The following CACNA1D variants were observed in gnomAD, a reference collection of about 807,000 sequenced individuals.
The protein encoded by CACNA1D is voltage-dependent L-type calcium channel subunit alpha-1D.
In CACNA1D, 55 loss-of-function variants were observed where a neutral mutation model predicts 257.1. That is an observed-to-expected ratio of 0.21 (90% CI 0.17 to 0.27). The LOEUF is 0.27. Among genes scored for constraint, CACNA1D ranks in the 10% least tolerant of loss-of-function variants. The pLI is 1.00. For synonymous variants in CACNA1D, 980 were observed against 1,014.9 expected (o/e 0.97, Z 0.65); for missense variants, 1,876 against 2,784.0 (o/e 0.67, Z 7.34).
chr3:53,746,068 A>G (rs991934676), intron 25 of CACNA1D, among the ~76,000 whole-genome samples, 193 bp downstream of exon 25: 16 of 152,084 alleles, frequency 1.1e-4, no homozygotes, highest in Non-Finnish European at 1.9e-4. Flanking sequence ...TTCAGTATAC[A>G]GTTCCTTAGC....
intron 3 of CACNA1D, among the ~76,000 whole-genome samples, chr3:53,580,424 C>A (rs1364790542): frequency 6.6e-6 from 1 of 152,212 alleles, no homozygotes; most frequent in Non-Finnish European, 1.5e-5. Flanking sequence ...AAGTGCCTGG[C>A]AGATGCTTGG....
chr3:53,682,365 T>TTA (rs1405672508), intron 8 of CACNA1D, among the ~76,000 whole-genome samples: 2 of 47,366 alleles, frequency 4.2e-5, no homozygotes, highest in East Asian at 6.3e-4. Flanking sequence ...TTGTCTCTGG[T>TTA]AAAAAAAAAA....
intron 39 of CACNA1D, among the ~76,000 whole-genome samples, chr3:53,785,056 A>T (rs981306142): frequency 5.3e-5 from 8 of 152,130 alleles, no homozygotes; most frequent in African/African-American, 1.9e-4. Context: ...AATTCTTCTG[A>T]CACAGGGCTT....
intron 9 of CACNA1D, among the ~76,000 whole-genome samples, chr3:53,705,999 C>G (rs1006395724): frequency 6.6e-6 from 1 of 152,206 alleles, no homozygotes; most frequent in Non-Finnish European, 1.5e-5. Flanking sequence ...GATTAGCAGG[C>G]AGTAGAAATG....
chr3:53,637,256 A>C (rs2108168139), intron 3 of CACNA1D, among the ~76,000 whole-genome samples: 1 of 152,298 alleles, frequency 6.6e-6, no homozygotes, highest in South Asian at 2.1e-4. Context: ...ATCTTTTCAG[A>C]TTCCAGGGGC....
At chr3:53,692,339 A>G (rs1377970988) in intron 8 of CACNA1D, among the ~76,000 whole-genome samples, 1 of 152,182 alleles carries the variant, frequency 6.6e-6, no homozygotes, top group Admixed American at 6.5e-5. Flanking sequence ...GTCTTGAGCC[A>G]GCCGAGTGGG....
intron 3 of CACNA1D, among the ~76,000 whole-genome samples, chr3:53,567,142 C>T (rs1343242638): frequency 1.3e-5 from 2 of 152,180 alleles, no homozygotes; most frequent in African/African-American, 4.8e-5. Context: ...ATATTCACTG[C>T]AGGATCTCCC....
intron 30 of CACNA1D, among the ~76,000 whole-genome samples, chr3:53,764,518 G>T (rs1013730491): frequency 1.3e-5 from 2 of 152,238 alleles, no homozygotes; most frequent in Non-Finnish European, 2.9e-5. Context: ...CGGGCACCAG[G>T]ATGTGGCCAA....
chr3:53,703,935 G>A (rs750027507), intron 9 of CACNA1D, among the ~76,000 whole-genome samples: 1 of 152,196 alleles, frequency 6.6e-6, no homozygotes, highest in Admixed American at 6.5e-5. Context: ...GCTGGAGGGA[G>A]CATTTGGCCT....
intron 37 of CACNA1D, among the ~76,000 whole-genome samples, 177 bp from the exon 38 acceptor site, chr3:53,779,849 C>T (rs142037068): frequency 6.4e-4 from 97 of 152,210 alleles, no homozygotes; most frequent in African/African-American, 2.3e-3. Context: ...CATCTCGTGG[C>T]CCAGTCAACT....
At chr3:53,733,242 A>G (rs923422272) in intron 19 of CACNA1D, among the ~76,000 whole-genome samples, 1 of 152,158 alleles carries the variant, frequency 6.6e-6, no homozygotes, top group Non-Finnish European at 1.5e-5. Flanking sequence ...TCACCCCTGC[A>G]TGGGGACAGC....
chr3:53,801,456 A>C (rs1175111248), intron 42 of CACNA1D, 31 bp downstream of exon 42: 7 of 1,611,824 alleles, frequency 4.3e-6, no homozygotes, highest in African/African-American at 1.3e-5. Flanking sequence ...GGACTTGCTC[A>C]TGTGGTGTCT....
At chr3:53,711,233 G>A (rs2094751584) in intron 9 of CACNA1D, among the ~76,000 whole-genome samples, 2 of 152,184 alleles carry the variant, frequency 1.3e-5, no homozygotes, top group African/African-American at 4.8e-5. Flanking sequence ...GTAACAGAGT[G>A]CGATCTCTGT....
At position 53,495,801 on chromosome 3, in the gene CACNA1D, C is replaced by A. The variant is rs374891959; in HGVS notation, c.67+568C>A. 2.2e-4 allele frequency among the ~76,000 whole-genome samples: 33 copies of A among 152,246 alleles called. No individual in the cohort carries two copies. Among genetic ancestry groups the A allele is most frequent in the African/African-American group, 7.7e-4 (32 of 41,472 alleles). On this transcript the variant is annotated intron_variant, in intron 1 of 47. Coordinates refer to ENST00000350061, the MANE Select transcript of CACNA1D (RefSeq NM_001128840.3). The surrounding 1 kb of genome is among the most constrained non-coding windows in gnomAD (Gnocchi z 5.1). ...GGAGCGTGCGTTCCCGCTCCCGTCGCCGGCTGTGCACACGTCGGTAACCTA... is the reference window on the plus strand; with the variant it reads ...GGAGCGTGCGTTCCCGCTCCCGTCGACGGCTGTGCACACGTCGGTAACCTA...
chr3:53,760,800 G>A (rs563240807), intron 29 of CACNA1D, among the ~76,000 whole-genome samples: 1 of 152,354 alleles, frequency 6.6e-6, no homozygotes, highest in South Asian at 2.1e-4. Context: ...CTGGATGACA[G>A]GCAGGGTGCA....
intron 8 of CACNA1D, among the ~76,000 whole-genome samples, chr3:53,677,811 A>C (rs1273662728): frequency 6.6e-6 from 1 of 152,230 alleles, no homozygotes; most frequent in East Asian, 1.9e-4. Flanking sequence ...AGAATCAGAC[A>C]ACCAAGTCTT....
intron 3 of CACNA1D, among the ~76,000 whole-genome samples, chr3:53,535,690 C>A (rs1233478526): frequency 6.6e-6 from 1 of 152,192 alleles, no homozygotes; most frequent in African/African-American, 2.4e-5. Context: ...ACTTGAAATC[C>A]TGTTTTATCA....
At chr3:53,689,437 A>G (rs1257342962) in intron 8 of CACNA1D, among the ~76,000 whole-genome samples, 1 of 149,946 alleles carries the variant, frequency 6.7e-6, no homozygotes, top group East Asian at 2.0e-4. Context: ...TAAAGCTGCC[A>G]CCTCCCAGAG....
At chr3:53,681,441 C>T (rs1027519908) in intron 8 of CACNA1D, among the ~76,000 whole-genome samples, 1 of 152,180 alleles carries the variant, frequency 6.6e-6, no homozygotes, top group African/African-American at 2.4e-5. Flanking sequence ...TTCTCCCTCT[C>T]TCTTAACTTC....
Sources: gnomAD v4.1 joint callset for allele counts (sites outside exome capture counted in the v4.1 genomes callset) on GRCh38, gnomAD v4.1.1 for gene constraint, Gnocchi (gnomAD v3.1) non-coding constraint, MANE v1.5 for transcripts, NCBI Gene and HGNC (gene_info 2026-07-23, HGNC 2026-07-21) for gene names.